C10orf143: variants seen among roughly 807,000 people sequenced by gnomAD.
The protein encoded by C10orf143 is chromosome 10 open reading frame 143.
intron 3 of C10orf143, among the ~76,000 whole-genome samples, chr10:130,048,311 A>AG (rs1860699689): frequency 1.3e-5 from 2 of 152,148 alleles, no homozygotes; most frequent in African/African-American, 4.8e-5. Flanking sequence ...GCCTTGACAG[A>AG]GGGTAAGAGC....
At chr10:130,070,011 G>C (rs1861004215) in intron 3 of C10orf143, among the ~76,000 whole-genome samples, 2 of 152,074 alleles carry the variant, frequency 1.3e-5, no homozygotes, top group South Asian at 4.1e-4. Flanking sequence ...TCTATTTCTG[G>C]TTTGTGGAGT....
intron 1 of C10orf143, among the ~76,000 whole-genome samples, chr10:130,093,746 C>G (rs1027380130): frequency 6.6e-6 from 1 of 152,116 alleles, no homozygotes; most frequent in Non-Finnish European, 1.5e-5. Context: ...GGCGCGGTGG[C>G]TCACACCTGT....
intron 1 of C10orf143, among the ~76,000 whole-genome samples, chr10:130,081,927 T>C (rs928147097): frequency 6.7e-6 from 1 of 150,160 alleles, no homozygotes; most frequent in African/African-American, 2.5e-5. Context: ...AGAGTTATAC[T>C]AGTTGATACT....
rs1861650761 is a variant in C10orf143 at position 130,106,520 on chromosome 10, C to T, written c.69+4184G>A. The T allele has an allele frequency of 8.8e-6, 14 of 1,599,286 alleles. No individual in the cohort carries two copies. In the East Asian group the frequency reaches 2.2e-4, roughly 26 times the overall value. ...AGAGTTAAAAGAAGAGAAATCTAAA[C>T]ATTCGCAACAAAATGAATTGATGGC... On this transcript the variant is annotated intron_variant, in intron 1 of 3. Transcript: ENST00000637128.
chr10:130,101,865 C>CAAAAAA lies in C10orf143; in HGVS notation c.69+8833_69+8838dup, dbSNP rs1267433489. Among the ~76,000 whole-genome samples, 151 of 47,726 alleles carry CAAAAAA rather than the reference C, an allele frequency of 3.2e-3. 35 individuals carry two copies. Among genetic ancestry groups the CAAAAAA allele is most frequent in the African/African-American group, 0.016 (121 of 7,576 alleles). The allele number at this position is 47,726 out of a possible 152,430, so 31.3% of individuals were successfully genotyped here. A position where few individuals can be genotyped will look rare whatever the true frequency, so the allele number is the denominator to read the frequency against. ...ACTCTGTCTCAAAAAAAAAAAAAACCAAAAAAAAAAAAAAAAAAAACTTTT... is the reference window on the plus strand; with the variant it reads ...ACTCTGTCTCAAAAAAAAAAAAAACCAAAAAAAAAAAAAAAAAAAAAAAAAACTTTT... On this transcript the variant is annotated intron_variant, in intron 1 of 3. Coordinates refer to ENST00000637128, the MANE Select transcript of C10orf143 (RefSeq NM_001355042.2).
rs372820368 is a variant in C10orf143 at position 130,045,429 on chromosome 10, GC to G, written c.298-9460del. 6.4e-3 allele frequency among the ~76,000 whole-genome samples: 970 copies of G among 152,320 alleles called. 10 individuals carry two copies. The highest frequency in any genetic ancestry group is 0.022 in the African/African-American group (916 of 41,570). On this transcript the variant is annotated intron_variant and NMD_transcript_variant, in intron 3 of 5. Coordinates refer to the C10orf143 transcript ENST00000643056. ...AAACTAGCAGGTGACGAACCATACA[GC>G]CCCAACTCTGCTGCCCCGCCCACAG...
chr10:130,106,018 C>T (rs775530737), intron 1 of C10orf143: 1 of 469,990 alleles, frequency 2.1e-6, no homozygotes. Flanking sequence ...GGGGTTACTG[C>T]GGCGACCGCC....
rs1202761890 is a variant in C10orf143, at chr10:130,044,690, C to T, written c.298-8720G>A. Reference sequence around the variant, plus strand: ...TGATGGAAGGGGTGCGTGCAAGTTGCCAGCATGATGGAAGGGAAATCATGA... The same window carrying T: ...TGATGGAAGGGGTGCGTGCAAGTTGTCAGCATGATGGAAGGGAAATCATGA... On this transcript the variant is annotated intron_variant and NMD_transcript_variant, in intron 3 of 5. Transcript: ENST00000643056. Among the ~76,000 whole-genome samples the T allele has an allele frequency of 9.9e-5, 15 of 152,248 alleles. No homozygotes were observed. In the South Asian group the frequency reaches 3.1e-3, roughly 32 times the overall value.
At chr10:130,106,919 G>T in intron 1 of C10orf143, 1 of 1,015,382 alleles carries the variant, frequency 9.8e-7, no homozygotes, top group Non-Finnish European at 1.6e-6. Flanking sequence ...TGATAACTTA[G>T]AAGTGAACAG....
chr10:130,108,897 A>G (rs1258337561), intron 1 of C10orf143, among the ~76,000 whole-genome samples: 1 of 152,224 alleles, frequency 6.6e-6, no homozygotes, highest in Non-Finnish European at 1.5e-5. Context: ...CGTCTCCACT[A>G]AACGTCTCAA....
rs774667559 is a variant in C10orf143, at chr10:130,108,220, G to T, written c.69+2484C>A. ...TCCCCCCACCTCCTCCAGGAACCAG[G>T]TTTGGAGCTTCTCGAGATTATTTTC... On this transcript the variant is annotated intron_variant, in intron 1 of 3. Transcript: ENST00000637128. The T allele has an allele frequency of 2.1e-5, 33 of 1,554,952 alleles. No homozygotes were observed. In the African/African-American group the frequency reaches 4.3e-4, roughly 20 times the overall value.
intron 3 of C10orf143, among the ~76,000 whole-genome samples, chr10:130,036,867 C>T (rs537342404): frequency 6.6e-6 from 1 of 152,218 alleles, no homozygotes; most frequent in South Asian, 2.1e-4. Context: ...CTGGAGCGCC[C>T]AGCATCCCGC....
intron 1 of C10orf143, among the ~76,000 whole-genome samples, chr10:130,099,663 C>T (rs1861516227): frequency 6.6e-6 from 1 of 151,326 alleles, no homozygotes; most frequent in Non-Finnish European, 1.5e-5. Flanking sequence ...CAGCCTCCTG[C>T]ATAGCTGGGG....
chr10:130,072,995 T>C (rs576247508), intron 3 of C10orf143, among the ~76,000 whole-genome samples: 8 of 152,310 alleles, frequency 5.3e-5, no homozygotes, highest in African/African-American at 1.9e-4. Context: ...TGAAGTGCAA[T>C]AAAATGAGTT....
intron 1 of C10orf143, among the ~76,000 whole-genome samples, chr10:130,110,467 C>T (rs1861743589): frequency 6.6e-6 from 1 of 152,242 alleles, no homozygotes; most frequent in Non-Finnish European, 1.5e-5. Context: ...AGGAAGGTGC[C>T]CGAGCTCCGC....
chr10:130,106,642 G>C (rs748097055), intron 1 of C10orf143: 1 of 1,286,738 alleles, frequency 7.8e-7, no homozygotes, highest in Non-Finnish European at 1.1e-6. Flanking sequence ...GATTTAAAAT[G>C]ACTGAGAAAC....
At chr10:130,084,942 A>C (rs766980933) in intron 1 of C10orf143, among the ~76,000 whole-genome samples, 3 of 152,232 alleles carry the variant, frequency 2.0e-5, no homozygotes, top group Non-Finnish European at 2.9e-5. Flanking sequence ...CTGTTGGCCA[A>C]AGCTGGAATG....
rs117268856 is a variant in C10orf143, at chr10:130,055,114, C to T, written c.298-19144G>A. On this transcript the variant is annotated intron_variant and NMD_transcript_variant, in intron 3 of 5. Coordinates refer to the C10orf143 transcript ENST00000643056. ...TAAAACTATAAAACTCCTAGATTTC[C>T]CCAAGTGGGCTAATGCCTAGCAAAC... Among the ~76,000 whole-genome samples, 425 of 152,090 alleles carry T rather than the reference C, an allele frequency of 2.8e-3. 1 individual carries two copies. The highest frequency in any genetic ancestry group is 4.3e-3 in the Non-Finnish European group (292 of 67,974).
At chr10:130,045,812 G>T (rs751216127) in intron 3 of C10orf143, among the ~76,000 whole-genome samples, 112 of 152,204 alleles carry the variant, frequency 7.4e-4, no homozygotes, top group Non-Finnish European at 7.5e-4. Context: ...AGTCAGGTCC[G>T]TGTCACCTGT....
Sources: gnomAD v4.1 joint callset for allele counts (sites outside exome capture counted in the v4.1 genomes callset) on GRCh38, gnomAD v4.1.1 for gene constraint, MANE v1.5 for transcripts, NCBI Gene and HGNC (gene_info 2026-07-23, HGNC 2026-07-21) for gene names.